SLIT1: variants seen among roughly 807,000 people sequenced by gnomAD.
The protein encoded by SLIT1 is slit guidance ligand 1.
A neutral mutation model predicts 186.1 loss-of-function variants in SLIT1; 66 were observed. The observed-to-expected ratio is 0.35, with a 90% CI of 0.29 to 0.44. The LOEUF is 0.44. Ranked by LOEUF, SLIT1 falls within the 20% of genes least tolerant of loss-of-function variation. The pLI, the probability that SLIT1 is intolerant of heterozygous loss-of-function variation, is 1.00. For synonymous variants in SLIT1, 761 were observed against 833.8 expected, an observed-to-expected ratio of 0.91 and a Z score of 1.50; for missense variants, 1,638 against 2,037.4, an observed-to-expected ratio of 0.80 and a Z score of 3.77.
At chr10:97,104,491 T>C (rs1293270258) in intron 4 of SLIT1, among the ~76,000 whole-genome samples, 1 of 152,042 alleles carries the variant, frequency 6.6e-6, no homozygotes, top group East Asian at 1.9e-4. Flanking sequence ...CAGCAACTGT[T>C]ATACACCTCA....
At position 97,002,880 on chromosome 10, in the gene SLIT1, G is replaced by A. The variant is rs776141458; in HGVS notation, c.3978C>T (p.Phe1326=). ...CGCCTGGCTTCATCTGCGTCTTGGTGAAGTCCTGCAGCTCGTTGTTGATGT... is the reference window on the plus strand; with the variant it reads ...CGCCTGGCTTCATCTGCGTCTTGGTAAAGTCCTGCAGCTCGTTGTTGATGT... The part of the protein sequence containing the change: ...NLYINNELQD[F]TKTQMKPGVV... The change falls in exon 35 of 37, where the codon TTC becomes TTT. Residue 1326 remains phenylalanine, a synonymous_variant. Transcript: ENST00000266058. The A allele has an allele frequency of 6.2e-7, 1 of 1,614,228 alleles. No homozygotes were observed. The highest frequency in any genetic ancestry group is 1.1e-5 in the South Asian group (1 of 91,088).
In SLIT1 at chr10:97,007,267, T is replaced by C. The variant is rs760507075; in HGVS notation, c.3342-547A>G. Among the ~76,000 whole-genome samples the C allele has an allele frequency of 9.3e-5, 14 of 151,096 alleles. 1 individual carries two copies. Among genetic ancestry groups the C allele is most frequent in the Non-Finnish European group, 1.9e-4 (13 of 67,722 alleles). On this transcript the variant is annotated intron_variant, in intron 31 of 36. Coordinates refer to ENST00000266058, the MANE Select transcript of SLIT1 (RefSeq NM_003061.3). ...TACCAAAACTGAACCAAGAAAAAAA[T>C]AGAAAATATGAATAGACCTATAACT...
rs1850364944 is a variant in SLIT1 at position 97,183,144 on chromosome 10, C to A, written c.197+2334G>T. Among the ~76,000 whole-genome samples the A allele has an allele frequency of 1.3e-5, 2 of 152,116 alleles. 1 individual carries two copies. Among genetic ancestry groups the A allele is most frequent in the South Asian group, 4.1e-4 (2 of 4,826 alleles). On this transcript the variant is annotated intron_variant, in intron 1 of 36. Coordinates refer to ENST00000266058, the MANE Select transcript of SLIT1 (RefSeq NM_003061.3). ...CCCATCCTCTGAGAAACCCCTTCACCCTGGAAAAGGGCTTCTCACCCCAGT... is the reference window on the plus strand; with the variant it reads ...CCCATCCTCTGAGAAACCCCTTCACACTGGAAAAGGGCTTCTCACCCCAGT...
At chr10:97,143,818 A>T (rs555787660) in intron 4 of SLIT1, among the ~76,000 whole-genome samples, 2 of 152,364 alleles carry the variant, frequency 1.3e-5, no homozygotes, top group East Asian at 3.8e-4. Flanking sequence ...TAATGCCAAG[A>T]TAACCTGAAG....
intron 4 of SLIT1, among the ~76,000 whole-genome samples, chr10:97,148,214 T>C (rs746507792): frequency 2.0e-5 from 3 of 151,952 alleles, no homozygotes; most frequent in Non-Finnish European, 2.9e-5. Flanking sequence ...AAAATGCACA[T>C]AAAGTTTTTG....
At chr10:97,121,560 A>C (rs562697133) in intron 4 of SLIT1, among the ~76,000 whole-genome samples, 1 of 152,350 alleles carries the variant, frequency 6.6e-6, no homozygotes, top group South Asian at 2.1e-4. Flanking sequence ...AGAGAGATGA[A>C]GTAACTCACC....
rs775820240 is a variant in SLIT1 at position 97,037,808 on chromosome 10, C to T, written c.2298-42G>A. On this transcript the variant is annotated intron_variant, in intron 21 of 36. Transcript: ENST00000266058. Reference sequence around the variant, plus strand: ...GCGGCGTTAGTGCCCATCTCCACCTCTGGTGGTGCCCCATGCTGGGGACAG... The same window carrying T: ...GCGGCGTTAGTGCCCATCTCCACCTTTGGTGGTGCCCCATGCTGGGGACAG... 31 of 1,519,786 alleles carry T rather than the reference C, an allele frequency of 2.0e-5. No individual in the cohort carries two copies. The Admixed American group carries it at 4.9e-4, about 24-fold the overall frequency. The allele number at this position is 1,519,786 out of a possible 1,614,324, so 94.1% of individuals were successfully genotyped here. A position where few individuals can be genotyped will look rare whatever the true frequency, so the allele number is the denominator to read the frequency against.
At chr10:97,037,579 G>T in intron 22 of SLIT1, 119 bp downstream of exon 22, 1 of 757,588 alleles carries the variant, frequency 1.3e-6, no homozygotes, top group Non-Finnish European at 2.2e-6. Context: ...GGGGAGCAGG[G>T]AAAGGAAAAG....
intron 1 of SLIT1, among the ~76,000 whole-genome samples, chr10:97,176,529 C>G (rs1199189383): frequency 6.6e-6 from 1 of 152,172 alleles, no homozygotes; most frequent in Non-Finnish European, 1.5e-5. Flanking sequence ...CCTGTCCTCT[C>G]CTCTGCAAAC....
In SLIT1 at chr10:97,056,029, A is replaced by T. The variant is rs567487978; in HGVS notation, c.1301+292T>A. On this transcript the variant is annotated intron_variant, in intron 13 of 36. Coordinates refer to ENST00000266058, the MANE Select transcript of SLIT1 (RefSeq NM_003061.3). ...AAGCACTTGTGATGAGCTAAGCTTC[A>T]TACAAACATCCTCCTTAATCTCATA... Among the ~76,000 whole-genome samples the T allele has an allele frequency of 1.7e-4, 26 of 152,340 alleles. 1 individual carries two copies. The highest frequency in any genetic ancestry group is 6.3e-4 in the African/African-American group (26 of 41,578).
intron 20 of SLIT1, among the ~76,000 whole-genome samples, chr10:97,041,185 G>A (rs1277429176): frequency 3.9e-5 from 6 of 152,162 alleles, no homozygotes; most frequent in East Asian, 1.9e-4. Context: ...GAATATATAC[G>A]TAGGGAGCAT....
chr10:97,055,404 A>G (rs1188442058), intron 13 of SLIT1, among the ~76,000 whole-genome samples: 1 of 152,060 alleles, frequency 6.6e-6, no homozygotes, highest in East Asian at 1.9e-4. Flanking sequence ...TCCGTTGCCC[A>G]GGTGGGAGTG....
At position 97,047,971 on chromosome 10, in the gene SLIT1, A is replaced by T; in HGVS notation, c.1489+2T>A. ...TGGCCTTGGATCCCCCCACTCTCCT[A>T]CCTGGAATGAAGTACTGCTCTTTGG... On this transcript the variant is annotated splice_donor_variant, in intron 15 of 36. Coordinates refer to ENST00000266058, the MANE Select transcript of SLIT1 (RefSeq NM_003061.3). LOFTEE classifies it high-confidence loss of function. The T allele has an allele frequency of 6.2e-7, 1 of 1,614,100 alleles. No homozygotes were observed. The highest frequency in any genetic ancestry group is 1.6e-4 in the Middle Eastern group (1 of 6,062).
At chr10:97,057,364 C>T (rs1848850415) in intron 11 of SLIT1, 83 bp from the exon 12 acceptor site, 23 of 1,074,188 alleles carry the variant, frequency 2.1e-5, no homozygotes, top group Non-Finnish European at 3.1e-5. Context: ...CCCAGCTCAA[C>T]AGCGCTGCCC....
At chr10:97,015,092 T>A (rs1848444095) in intron 28 of SLIT1, among the ~76,000 whole-genome samples, 1 of 151,634 alleles carries the variant, frequency 6.6e-6, no homozygotes, top group South Asian at 2.1e-4. Context: ...CAGAGAGAGG[T>A]CCAAGAAATT....
intron 4 of SLIT1, among the ~76,000 whole-genome samples, chr10:97,067,045 GC>G (rs1162720182): frequency 6.6e-6 from 1 of 152,192 alleles, no homozygotes; most frequent in Non-Finnish European, 1.5e-5. Context: ...GACCCAGTTG[GC>G]CAGTAGCCCA....
chr10:97,019,199 A>C lies in SLIT1; in HGVS notation c.2747-92T>G. Reference sequence around the variant, plus strand: ...CTCAACCCCGAGGAGCCCATGTCCAAGGAGCCGTTTCCCCTCCTGATTTTT... The same window carrying C: ...CTCAACCCCGAGGAGCCCATGTCCACGGAGCCGTTTCCCCTCCTGATTTTT... On this transcript the variant is annotated intron_variant, in intron 26 of 36. Transcript: ENST00000266058. The C allele has an allele frequency of 2.1e-5, 17 of 806,362 alleles. No homozygotes were observed. In the South Asian group the frequency reaches 2.8e-4, roughly 13 times the overall value. The allele number at this position is 806,362 out of a possible 1,614,324, so 50.0% of individuals were successfully genotyped here.
At position 97,022,524 on chromosome 10, in the gene SLIT1, C is replaced by A. The variant is rs551525073; in HGVS notation, c.2583-1111G>T. Among the ~76,000 whole-genome samples, 3 of 152,136 alleles carry A rather than the reference C, an allele frequency of 2.0e-5. No individual in the cohort carries two copies. Among genetic ancestry groups the A allele is most frequent in the African/African-American group, 7.2e-5 (3 of 41,430 alleles). ...CTGATGGGGGTGCAAAATAGTAGAG[C>A]GCCTGTGGAGGGGAATTGTGTGACA... is the stretch of plus-strand genomic sequence containing the variant. On this transcript the variant is annotated intron_variant, in intron 25 of 36. Transcript: ENST00000266058. This position sits in a 1 kb window ranked among gnomAD's most constrained non-coding sequence, Gnocchi z 4.2.
At chr10:97,153,096 C>G (rs2134714792) in intron 4 of SLIT1, 1 of 152,290 alleles carries the variant, frequency 6.6e-6, no homozygotes, top group Non-Finnish European at 1.5e-5. Flanking sequence ...ATATGAGATT[C>G]CTAGGTCAAG....
Sources: gnomAD v4.1 joint callset for allele counts (sites outside exome capture counted in the v4.1 genomes callset) on GRCh38, gnomAD v4.1.1 for gene constraint, Gnocchi (gnomAD v3.1) non-coding constraint, MANE v1.5 for transcripts, NCBI Gene and HGNC (gene_info 2026-07-23, HGNC 2026-07-21) for gene names.